Variants in UNC13C observed in about 807,000 individuals in gnomAD.
UNC13C encodes the protein protein unc-13 homolog C.
A neutral mutation model predicts 245.4 loss-of-function variants in UNC13C; 174 were observed. The ratio of observed to expected loss-of-function variants is 0.71; its 90% CI spans 0.63 to 0.80. The LOEUF (loss-of-function observed/expected upper bound fraction) is 0.80, where lower values mean the gene tolerates loss of function less well. Ranked by LOEUF, UNC13C falls within the 30% of genes least tolerant of loss-of-function variation. The pLI, the probability that UNC13C is intolerant of heterozygous loss-of-function variation, is 0.00. For synonymous variants in UNC13C, 992 were observed against 895.1 expected, an observed-to-expected ratio of 1.11 and a Z score of -1.93; for missense variants, 2,829 against 2,602.9, an observed-to-expected ratio of 1.09 and a Z score of -1.89.
intron 2 of UNC13C, among the ~76,000 whole-genome samples, chr15:54,120,118 A>G (rs1172090627): frequency 6.6e-6 from 1 of 152,222 alleles, no homozygotes; most frequent in Non-Finnish European, 1.5e-5. Flanking sequence ...ACAGATTTTC[A>G]ATATAGACAA....
chr15:54,222,672 A>T (rs945070589), intron 4 of UNC13C, among the ~76,000 whole-genome samples: 7 of 151,898 alleles, frequency 4.6e-5, no homozygotes, highest in African/African-American at 1.7e-4. Context: ...CTCCAAACTG[A>T]TCTCCATAGT....
intron 13 of UNC13C, chr15:54,321,202 T>C (rs571818321): frequency 2.0e-6 from 1 of 501,464 alleles, no homozygotes; most frequent in Admixed American, 2.1e-5. Flanking sequence ...AATGACAGCC[T>C]TATTTATGGA....
intron 2 of UNC13C, among the ~76,000 whole-genome samples, chr15:54,075,431 C>G (rs1348945912): frequency 1.8e-5 from 1 of 55,964 alleles, no homozygotes; most frequent in Non-Finnish European, 3.3e-5. Flanking sequence ...TTGCAGTGAG[C>G]CGGAGCTTGC....
chr15:54,311,929 T>G (rs903020866), intron 13 of UNC13C, among the ~76,000 whole-genome samples: 1 of 151,874 alleles, frequency 6.6e-6, no homozygotes, highest in Non-Finnish European at 1.5e-5. Context: ...AAAAACATGT[T>G]AAATTATCTT....
chr15:54,143,618 A>C lies in UNC13C; in HGVS notation c.3007-2A>C. ...TTGTTTTTCTCTTACTCTTCATTTA[A>C]GGCTCGAATAGTAAGTGGCAATGAT... On this transcript the variant is annotated splice_acceptor_variant, in intron 3 of 32. Transcript: ENST00000260323. LOFTEE classifies it high-confidence loss of function. The C allele has an allele frequency of 6.2e-7, 1 of 1,612,750 alleles. No homozygotes were observed. The highest frequency in any genetic ancestry group is 8.5e-7 in the Non-Finnish European group (1 of 1,179,004).
chr15:54,591,774 A>T (rs2681959), intron 30 of UNC13C, among the ~76,000 whole-genome samples: 1 of 151,910 alleles, frequency 6.6e-6, no homozygotes, highest in African/African-American at 2.4e-5. Flanking sequence ...TTTTGTTTGT[A>T]TATTTGTTTC....
the UNC13C span, among the ~76,000 whole-genome samples, chr15:53,865,417 G>C: frequency 1.8e-4 from 27 of 152,310 alleles, no homozygotes; most frequent in Non-Finnish European, 3.8e-4. Flanking sequence ...CTTGCAGATG[G>C]CTGCCTTCCC....
the UNC13C span, among the ~76,000 whole-genome samples, chr15:53,862,361 T>C: frequency 9.9e-5 from 15 of 152,140 alleles, no homozygotes; most frequent in African/African-American, 3.6e-4. Context: ...TATTTTAAGC[T>C]CAATGCCTAC....
chr15:53,866,587 A>T, the UNC13C span, among the ~76,000 whole-genome samples: 3 of 152,212 alleles, frequency 2.0e-5, no homozygotes, highest in Non-Finnish European at 2.9e-5. Context: ...GGAAAGACAG[A>T]GTTCTTTCTC....
chr15:54,040,618 G>T (rs537118168), intron 2 of UNC13C, among the ~76,000 whole-genome samples: 91 of 152,230 alleles, frequency 6.0e-4, no homozygotes, highest in Admixed American at 1.6e-3. Flanking sequence ...GTTGAGTTTT[G>T]CTTCCAGGGC....
At chr15:54,429,365 A>T (rs983607230) in intron 19 of UNC13C, among the ~76,000 whole-genome samples, 1 of 151,742 alleles carries the variant, frequency 6.6e-6, no homozygotes, top group African/African-American at 2.4e-5. Flanking sequence ...TGAACTTCCC[A>T]TATTTTTCCA....
intron 19 of UNC13C, among the ~76,000 whole-genome samples, chr15:54,477,794 G>T (rs2141055962): frequency 6.7e-6 from 1 of 150,344 alleles, no homozygotes; most frequent in African/African-American, 2.5e-5. Context: ...TCTCTGCCCG[G>T]CTTTGGTATC....
At chr15:54,233,570 T>C (rs1462853025) in intron 4 of UNC13C, among the ~76,000 whole-genome samples, 1 of 152,224 alleles carries the variant, frequency 6.6e-6, no homozygotes, top group Non-Finnish European at 1.5e-5. Context: ...TTCATTTCTA[T>C]TGACATGAAT....
At chr15:54,539,410 G>T (rs1254073456) in intron 26 of UNC13C, among the ~76,000 whole-genome samples, 1 of 151,668 alleles carries the variant, frequency 6.6e-6, no homozygotes, top group Non-Finnish European at 1.5e-5. Context: ...GAGAGAAGGA[G>T]AATTACTTTT....
intron 18 of UNC13C, among the ~76,000 whole-genome samples, chr15:54,401,164 T>C (rs2040174724): frequency 6.6e-6 from 1 of 152,186 alleles, no homozygotes; most frequent in East Asian, 1.9e-4. Context: ...TAACCTAAAG[T>C]ATTTTATCTC....
intron 2 of UNC13C, among the ~76,000 whole-genome samples, chr15:54,047,947 T>C (rs1381979383): frequency 6.6e-6 from 1 of 152,196 alleles, no homozygotes; most frequent in Non-Finnish European, 1.5e-5. Context: ...AGGCATATCG[T>C]AAGTATACCG....
intron 19 of UNC13C, among the ~76,000 whole-genome samples, chr15:54,466,048 G>A (rs1035054364): frequency 1.3e-5 from 2 of 151,922 alleles, no homozygotes; most frequent in Non-Finnish European, 2.9e-5. Context: ...CAACATGGAC[G>A]GAACTGAAGG....
chr15:54,031,125 C>T (rs79789636), intron 2 of UNC13C, among the ~76,000 whole-genome samples: 2,389 of 152,128 alleles, frequency 0.016, 74 homozygotes, highest in African/African-American at 0.055. Context: ...TGATATTTAT[C>T]GTAACTGATT....
chr15:54,058,381 C>G (rs180712201), intron 2 of UNC13C, among the ~76,000 whole-genome samples: 1 of 152,156 alleles, frequency 6.6e-6, no homozygotes, highest in East Asian at 1.9e-4. Context: ...ATAAGTTCCT[C>G]GACACATACA....
Sources: allele counts gnomAD v4.1 joint callset (sites outside exome capture counted in the v4.1 genomes callset), GRCh38; gene constraint gnomAD v4.1.1; transcripts MANE v1.5; gene names NCBI Gene and HGNC (gene_info 2026-07-23, HGNC 2026-07-21).